EYS: variants seen among roughly 807,000 people sequenced by gnomAD.
EYS encodes protein eyes shut homolog.
In EYS, 250 loss-of-function variants were observed where a neutral mutation model predicts 282.1. That is an observed-to-expected ratio of 0.89 (90% confidence interval 0.80 to 0.98). The LOEUF (loss-of-function observed/expected upper bound fraction) is 0.98. EYS is among the 50% of genes least tolerant of loss of function. The probability of loss-of-function intolerance (pLI) is 0.00; values close to 1 mark genes in which losing one functional copy is unlikely to be tolerated. For missense variants in EYS, 4,016 were observed against 3,709.0 expected (o/e 1.08, Z -2.15); for synonymous variants, 1,355 against 1,282.9 (o/e 1.06, Z -1.20).
At chr6:64,587,558 C>T (rs1766271797) in intron 26 of EYS, among the ~76,000 whole-genome samples, 1 of 151,942 alleles carries the variant, frequency 6.6e-6, no homozygotes, top group Admixed American at 6.6e-5. Context: ...TGACTTTATA[C>T]AACCACTATT....
At chr6:64,257,788 G>C (rs926060440) in intron 30 of EYS, among the ~76,000 whole-genome samples, 5 of 151,726 alleles carry the variant, frequency 3.3e-5, no homozygotes, top group African/African-American at 1.2e-4. Context: ...TGATGATGAT[G>C]ATGATGATGA....
chr6:64,815,307 G>T (rs1411447507), intron 21 of EYS: 3 of 359,422 alleles, frequency 8.3e-6, no homozygotes, highest in East Asian at 9.4e-5. Flanking sequence ...GAATAGAAAT[G>T]CAGAATTCCA....
At position 65,153,468 on chromosome 6, in the gene EYS, C is replaced by T. The variant is rs141386239; in HGVS notation, c.2024-95741G>A. 1.4e-3 allele frequency among the ~76,000 whole-genome samples: 214 copies of T among 150,472 alleles called. 3 individuals carry two copies. Among genetic ancestry groups the T allele is most frequent in the African/African-American group, 4.6e-3 (190 of 40,888 alleles). The stretch of plus-strand genomic sequence containing the variant: ...GTGCAGCAATAGATAAATATTATGC[C>T]TATCTTCAAACATTATATGACATGT... On this transcript the variant is annotated intron_variant, in intron 12 of 42. Coordinates refer to ENST00000503581, the MANE Select transcript of EYS (RefSeq NM_001142800.2).
At chr6:64,251,970 A>G (rs1767232312) in intron 30 of EYS, among the ~76,000 whole-genome samples, 1 of 152,182 alleles carries the variant, frequency 6.6e-6, no homozygotes, top group Non-Finnish European at 1.5e-5. Context: ...TAGGCTGAAA[A>G]AACAGTATGT....
intron 31 of EYS, among the ~76,000 whole-genome samples, chr6:64,166,756 T>TA (rs1310976289): frequency 6.6e-6 from 1 of 152,138 alleles, no homozygotes; most frequent in Non-Finnish European, 1.5e-5. Flanking sequence ...TTACAAAAAT[T>TA]AATTGGGGAA....
At chr6:65,017,763 T>C (rs1772101328) in intron 13 of EYS, among the ~76,000 whole-genome samples, 1 of 152,248 alleles carries the variant, frequency 6.6e-6, no homozygotes, top group African/African-American at 2.4e-5. Flanking sequence ...TCATCTTTCC[T>C]ATCTCTTCTA....
chr6:64,312,898 AAGAT>A (rs1769776858), intron 29 of EYS, among the ~76,000 whole-genome samples: 3 of 152,184 alleles, frequency 2.0e-5, no homozygotes, highest in Admixed American at 2.0e-4. Flanking sequence ...TCAAAAACCA[AAGAT>A]AGATAAATCC....
chr6:64,608,277 G>A (rs1437242302), intron 24 of EYS, among the ~76,000 whole-genome samples: 2 of 152,094 alleles, frequency 1.3e-5, no homozygotes. Context: ...TATGTGCACA[G>A]TTCCTGTTTT....
intron 2 of EYS, among the ~76,000 whole-genome samples, chr6:65,627,865 G>A (rs751486912): frequency 3.2e-4 from 49 of 152,188 alleles, no homozygotes; most frequent in Non-Finnish European, 4.9e-4. Context: ...CCTCCCCAGC[G>A]AGCACCACCC....
At chr6:64,995,744 A>G (rs1277993955) in intron 14 of EYS, among the ~76,000 whole-genome samples, 1 of 143,920 alleles carries the variant, frequency 6.9e-6, no homozygotes, top group African/African-American at 2.6e-5. Flanking sequence ...TTATTATCAC[A>G]ATTTCTGGAA....
At chr6:65,295,608 C>T (rs1768638565) in intron 12 of EYS, 1 of 468,704 alleles carries the variant, frequency 2.1e-6, no homozygotes, top group African/African-American at 2.0e-5. Context: ...CATATACCAT[C>T]ATATTCCCAA....
chr6:65,278,395 T>TTC (rs372848567), intron 12 of EYS, among the ~76,000 whole-genome samples: 1 of 45,514 alleles, frequency 2.2e-5, no homozygotes, highest in Admixed American at 3.5e-4. Flanking sequence ...AAATGTATTT[T>TTC]ATATATATAT....
chr6:65,333,254 A>T (rs1769861665), intron 11 of EYS, among the ~76,000 whole-genome samples: 1 of 151,572 alleles, frequency 6.6e-6, no homozygotes, highest in Non-Finnish European at 1.5e-5. Flanking sequence ...ATAATCTCAA[A>T]GTCTTTTCTA....
chr6:65,148,686 C>A (rs1386482742), intron 12 of EYS, among the ~76,000 whole-genome samples: 1 of 152,054 alleles, frequency 6.6e-6, no homozygotes, highest in East Asian at 1.9e-4. Context: ...GGACTCTGAA[C>A]CCACATTTCC....
intron 22 of EYS, among the ~76,000 whole-genome samples, chr6:64,686,830 T>TATATACACACAC (rs1469063331): frequency 1.6e-4 from 5 of 31,184 alleles, no homozygotes; most frequent in African/African-American, 3.9e-4. Context: ...TGTGTATATA[T>TATATACACACAC]ATATATACGT....
intron 37 of EYS, among the ~76,000 whole-genome samples, chr6:63,800,782 G>A (rs1770765456): frequency 6.6e-6 from 1 of 152,204 alleles, no homozygotes; most frequent in South Asian, 2.1e-4. Flanking sequence ...TCCAGCCTGG[G>A]TGACAGAGCG....
rs374548191 is a variant in EYS at position 64,756,744 on chromosome 6, A to G, written c.3443+56634T>C. ...ATGAAGTTCACAATAAAATATTCTT[A>G]CATGAACTTTTGTCTTGTTTTGAAT... is the stretch of plus-strand genomic sequence containing the variant. On this transcript the variant is annotated intron_variant, in intron 22 of 42. Coordinates refer to ENST00000503581, the MANE Select transcript of EYS (RefSeq NM_001142800.2). Among the ~76,000 whole-genome samples the G allele has an allele frequency of 5.3e-4, 81 of 152,334 alleles. No individual in the cohort carries two copies. In the South Asian group the frequency reaches 0.017, roughly 32 times the overall value.
chr6:65,636,436 T>C (rs1237715973), intron 2 of EYS, among the ~76,000 whole-genome samples: 1 of 152,196 alleles, frequency 6.6e-6, no homozygotes, highest in African/African-American at 2.4e-5. Context: ...GGTTATTCTT[T>C]GTTTGCATTG....
chr6:64,369,779 C>A (rs1204779231), intron 29 of EYS, among the ~76,000 whole-genome samples: 6 of 151,916 alleles, frequency 3.9e-5, no homozygotes, highest in Non-Finnish European at 7.4e-5. Flanking sequence ...GTATTTTATT[C>A]TTTTTGTGGC....
Sources: gnomAD v4.1 joint callset for allele counts (sites outside exome capture counted in the v4.1 genomes callset) on GRCh38, gnomAD v4.1.1 for gene constraint, MANE v1.5 for transcripts, NCBI Gene and HGNC (gene_info 2026-07-23, HGNC 2026-07-21) for gene names.